CHST3: variants seen among roughly 807,000 people sequenced by gnomAD.
CHST3 encodes the protein C6ST-1.
CHST3 carries 20 observed loss-of-function variants against 35.4 expected under a neutral mutation model. The ratio of observed to expected loss-of-function variants is 0.57; its 90% CI spans 0.40 to 0.82. The LOEUF (loss-of-function observed/expected upper bound fraction) is 0.82. Ranked by LOEUF, CHST3 falls within the 40% of genes least tolerant of loss-of-function variation. The pLI is 0.00. For missense variants in CHST3, 693 were observed against 670.1 expected (o/e 1.03, Z -0.38); for synonymous variants, 334 against 295.9 (o/e 1.13, Z -1.32).
At position 72,010,135 on chromosome 10, in the gene CHST3, G is replaced by C. The variant is rs375960396; in HGVS notation, c.*1664G>C. ...CTCGCCCCTCCCTGAGAAGAAGCTG[G>C]ATTTGAAAATCCCTCACAGGCCCTA... On this transcript the variant is annotated 3_prime_UTR_variant, in exon 3 of 3. Transcript: ENST00000373115. The C allele has an allele frequency of 1.8e-4, 27 of 152,340 alleles. No individual in the cohort carries two copies. The highest frequency in any genetic ancestry group is 5.8e-4 in the East Asian group (3 of 5,188). 9.4% of individuals were successfully genotyped at this position (152,340 alleles called of 1,614,324 possible). A position where few individuals can be genotyped will look rare whatever the true frequency, so the allele number is the denominator to read the frequency against.
At chr10:72,003,113 G>A (rs532623818) in intron 1 of CHST3, among the ~76,000 whole-genome samples, 11 of 152,296 alleles carry the variant, frequency 7.2e-5, no homozygotes, top group African/African-American at 2.6e-4. Context: ...TGGGCTAGTT[G>A]CTGCCTCACA....
chr10:71,969,049 G>A (rs1220285123), intron 1 of CHST3, among the ~76,000 whole-genome samples: 38 of 152,100 alleles, frequency 2.5e-4, no homozygotes, highest in Non-Finnish European at 5.0e-4. Context: ...TCATTTACCT[G>A]GTGAACATAA....
intron 1 of CHST3, among the ~76,000 whole-genome samples, chr10:72,003,187 C>T (rs1479456601): frequency 6.6e-6 from 1 of 152,186 alleles, no homozygotes; most frequent in East Asian, 1.9e-4. Context: ...GAGAAATATG[C>T]ACTCAGTAAA....
intron 1 of CHST3, among the ~76,000 whole-genome samples, chr10:71,979,409 TGGCAGGAGAGGGGTTAGAC>T (rs1839779242): frequency 6.8e-6 from 1 of 147,072 alleles, no homozygotes; most frequent in African/African-American, 2.5e-5. Flanking sequence ...AGGGGTTAGA[TGGCAGGAGAGGGGTTAGAC>T]TAGTCCCCTG....
intron 1 of CHST3, among the ~76,000 whole-genome samples, chr10:71,970,737 A>G (rs1231746762): frequency 6.6e-6 from 1 of 152,238 alleles, no homozygotes; most frequent in African/African-American, 2.4e-5. Context: ...TTGATGGTGC[A>G]GAATGATGAG....
chr10:71,987,527 C>T (rs896423844), intron 1 of CHST3, among the ~76,000 whole-genome samples: 7 of 151,642 alleles, frequency 4.6e-5, no homozygotes, highest in Non-Finnish European at 2.9e-5. Context: ...CAGCCTGGTC[C>T]GCATGGTGAA....
At chr10:71,987,889 G>A (rs966458824) in intron 1 of CHST3, among the ~76,000 whole-genome samples, 2 of 152,154 alleles carry the variant, frequency 1.3e-5, no homozygotes, top group African/African-American at 4.8e-5. Flanking sequence ...CTAGACTTAT[G>A]CATGGAGAGT....
chr10:71,997,682 A>ATTTTTT (rs35366073), intron 1 of CHST3, among the ~76,000 whole-genome samples: 12 of 135,404 alleles, frequency 8.9e-5, no homozygotes, highest in African/African-American at 2.7e-4. Context: ...GTCTCCATAA[A>ATTTTTT]TTTTTTTTTT....
intron 1 of CHST3, among the ~76,000 whole-genome samples, chr10:72,000,517 G>GAGCC (rs748234425): frequency 2.0e-4 from 27 of 132,230 alleles, no homozygotes; most frequent in Admixed American, 7.0e-4. Flanking sequence ...TGCTTAGAAG[G>GAGCC]AGCCAGCCAG....
intron 2 of CHST3, among the ~76,000 whole-genome samples, chr10:72,006,203 C>G (rs1263102002): frequency 6.6e-6 from 1 of 152,194 alleles, no homozygotes; most frequent in Admixed American, 6.5e-5. Context: ...TTGGAGCCCC[C>G]CCATGTTGGC....
rs1476856728 is a variant in CHST3 at position 72,007,457 on chromosome 10, C to T, written c.426C>T (p.Arg142=). The part of the protein sequence containing the change: ...RRHVLLMATT[R]TGSSFVGEFF... Reference sequence around the variant, plus strand: ...ACGTGCTGCTCATGGCCACCACGCGCACCGGCTCCTCGTTCGTGGGCGAGT... The same window carrying T: ...ACGTGCTGCTCATGGCCACCACGCGTACCGGCTCCTCGTTCGTGGGCGAGT... The change falls in exon 3 of 3, where the codon CGC becomes CGT. Residue 142 remains arginine, a synonymous_variant. Coordinates refer to ENST00000373115, the MANE Select transcript of CHST3 (RefSeq NM_004273.5). 1.2e-6 allele frequency: 2 copies of T among 1,603,202 alleles called. No individual in the cohort carries two copies. The highest frequency in any genetic ancestry group is 8.5e-7 in the Non-Finnish European group (1 of 1,179,690).
At chr10:71,973,170 C>T (rs1198895259) in intron 1 of CHST3, among the ~76,000 whole-genome samples, 1 of 152,090 alleles carries the variant, frequency 6.6e-6, no homozygotes, top group African/African-American at 2.4e-5. Context: ...GGGTGGCTAA[C>T]GTGGGCCAAG....
chr10:71,995,071 A>G (rs1839927191), intron 1 of CHST3, among the ~76,000 whole-genome samples: 1 of 152,192 alleles, frequency 6.6e-6, no homozygotes, highest in African/African-American at 2.4e-5. Context: ...ATCAGCAACA[A>G]GTCTTTTTCA....
At chr10:71,994,907 C>T (rs1357426996) in intron 1 of CHST3, among the ~76,000 whole-genome samples, 1 of 152,208 alleles carries the variant, frequency 6.6e-6, no homozygotes. Context: ...AACCAACCAA[C>T]GCTAGCAGCT....
chr10:71,967,552 C>A (rs1839643924), intron 1 of CHST3, among the ~76,000 whole-genome samples: 1 of 152,172 alleles, frequency 6.6e-6, no homozygotes, highest in Admixed American at 6.5e-5. Flanking sequence ...ATATGTACCA[C>A]ATTTCTTTAT....
intron 1 of CHST3, among the ~76,000 whole-genome samples, chr10:71,983,948 T>C (rs573869279): frequency 6.6e-6 from 1 of 152,356 alleles, no homozygotes; most frequent in Admixed American, 6.5e-5. Flanking sequence ...TCCATTTACA[T>C]AGGGCGTACC....
chr10:71,996,428 C>A (rs910582729), intron 1 of CHST3, among the ~76,000 whole-genome samples: 2 of 147,218 alleles, frequency 1.4e-5, no homozygotes, highest in African/African-American at 5.1e-5. Flanking sequence ...TCTACCAACC[C>A]CCCCCCAACG....
chr10:71,977,510 T>C (rs1839757874), intron 1 of CHST3, among the ~76,000 whole-genome samples: 1 of 150,588 alleles, frequency 6.6e-6, no homozygotes, highest in Non-Finnish European at 1.5e-5. Flanking sequence ...AGTGCATTGG[T>C]ACAGCCATAG....
chr10:71,965,732 A>G (rs1279253152), intron 1 of CHST3, among the ~76,000 whole-genome samples: 2 of 152,150 alleles, frequency 1.3e-5, no homozygotes, highest in Non-Finnish European at 2.9e-5. Context: ...GGTAATTATC[A>G]TTCATTATGG....
Sources: gnomAD v4.1 joint callset for allele counts (sites outside exome capture counted in the v4.1 genomes callset) on GRCh38, gnomAD v4.1.1 for gene constraint, MANE v1.5 for transcripts, NCBI Gene and HGNC (gene_info 2026-07-23, HGNC 2026-07-21) for gene names.